The following RRP12 variants were observed in gnomAD, a reference collection of about 807,000 sequenced individuals.
RRP12 encodes the protein RRP12-like protein.
RRP12 carries 78 observed loss-of-function variants against 157.3 expected under a neutral mutation model. The ratio of observed to expected loss-of-function variants is 0.50; its 90% CI spans 0.41 to 0.60. RRP12 has a LOEUF of 0.60. Ranked by LOEUF, RRP12 falls within the 20% of genes least tolerant of loss-of-function variation. The pLI is 0.00. For missense variants in RRP12, 1,521 were observed against 1,679.9 expected (o/e 0.91, Z 1.65); for synonymous variants, 726 against 670.9 (o/e 1.08, Z -1.27).
chr10:97,361,859 G>C (rs1026546864), intron 30 of RRP12, among the ~76,000 whole-genome samples: 5 of 152,096 alleles, frequency 3.3e-5, no homozygotes, highest in African/African-American at 7.2e-5. Context: ...CTGTAATCCT[G>C]GCACTTTGGG....
At chr10:97,378,977 T>G (rs1844386572) in intron 15 of RRP12, among the ~76,000 whole-genome samples, 2 of 152,214 alleles carry the variant, frequency 1.3e-5, no homozygotes, top group South Asian at 4.1e-4. Context: ...AGGGCTTGCA[T>G]GAGGAAGAAG....
In RRP12 at chr10:97,400,417, ACCAGCTCC is replaced by A; in HGVS notation, c.249_256del (p.Glu84SerfsTer47). 1 of 1,614,010 alleles carries A rather than the reference ACCAGCTCC, an allele frequency of 6.2e-7. No individual in the cohort carries two copies. The highest frequency in any genetic ancestry group is 8.5e-7 in the Non-Finnish European group (1 of 1,180,004). On this transcript the variant is annotated frameshift_variant, in exon 2 of 34. Transcript: ENST00000370992. LOFTEE classifies it high-confidence loss of function. ...GGTACCCGAGGACTTCTCGGTGAGA[ACCAGCTCC>A]GCCTCTTCTTCCATGGGCGTCTCCG...
intron 30 of RRP12, among the ~76,000 whole-genome samples, chr10:97,362,255 G>C (rs546860172): frequency 6.6e-6 from 1 of 152,126 alleles, no homozygotes; most frequent in Non-Finnish European, 1.5e-5. Flanking sequence ...CGCTCTGCCC[G>C]GGGCAGTGGG....
intron 25 of RRP12, 115 bp from the exon 26 acceptor site, chr10:97,367,247 C>T (rs902042119): frequency 6.5e-5 from 55 of 849,332 alleles, no homozygotes; most frequent in Non-Finnish European, 9.0e-5. Flanking sequence ...GGAGGGTTAG[C>T]GCGGCCCTGC....
intron 8 of RRP12, among the ~76,000 whole-genome samples, chr10:97,386,571 A>G (rs1387147379): frequency 6.6e-6 from 1 of 152,198 alleles, no homozygotes; most frequent in Non-Finnish European, 1.5e-5. Context: ...CTACCTTAGG[A>G]AACAGGATTT....
intron 10 of RRP12, among the ~76,000 whole-genome samples, chr10:97,383,897 C>A (rs534683328): frequency 1.6e-4 from 25 of 152,342 alleles, no homozygotes; most frequent in African/African-American, 6.0e-4. Context: ...CCTTGCTGTT[C>A]CTCCCGGCTG....
At position 97,373,818 on chromosome 10, in the gene RRP12, G is replaced by C. The variant is rs1844229126; in HGVS notation, c.1863+12C>G. On this transcript the variant is annotated intron_variant, in intron 16 of 33. Coordinates refer to ENST00000370992, the MANE Select transcript of RRP12 (RefSeq NM_015179.4). ...GTGCTTCTCCCCACGCCCTCCCCCA[G>C]CTGACCCTTACCTGCCACTGGAGTG... The C allele has an allele frequency of 6.2e-7, 1 of 1,613,648 alleles. No homozygotes were observed. The highest frequency in any genetic ancestry group is 1.1e-5 in the South Asian group (1 of 91,088).
chr10:97,397,238 G>A (rs1002587411), intron 2 of RRP12, among the ~76,000 whole-genome samples: 4 of 151,506 alleles, frequency 2.6e-5, no homozygotes, highest in Admixed American at 1.3e-4. Context: ...TCTGCTAACC[G>A]CAGCTTCCAC....
chr10:97,361,700 G>A (rs934543559), intron 30 of RRP12, among the ~76,000 whole-genome samples: 2 of 152,216 alleles, frequency 1.3e-5, no homozygotes, highest in Non-Finnish European at 2.9e-5. Context: ...AGGGGATGAT[G>A]GCTGAGCTGG....
chr10:97,382,969 C>T (rs1844512248), intron 10 of RRP12, among the ~76,000 whole-genome samples: 1 of 152,074 alleles, frequency 6.6e-6, no homozygotes, highest in South Asian at 2.1e-4. Context: ...GCCATTTTGG[C>T]CAGGCTAGTC....
chr10:97,400,346 C>T lies in RRP12; in HGVS notation c.328G>A (p.Val110Ile), dbSNP rs1564773989. ...SDCTNVTFSKVQRFWESNSAA... is the reference protein window; with the variant it reads ...SDCTNVTFSKIQRFWESNSAA... ...GAGTTGGACTCCCAGAAGCGCTGTA[C>T]TTTGCTGAAGGTGACGTTTGTGCAG... is the stretch of plus-strand genomic sequence containing the variant. The change falls in exon 2 of 34, where the codon GTA (valine) becomes ATA (isoleucine). Residue 110 changes from valine to isoleucine, a missense_variant. Physicochemically the swap from Val to Ile is conservative, Grantham distance 29. Coordinates refer to ENST00000370992, the MANE Select transcript of RRP12 (RefSeq NM_015179.4). 3 of 1,613,932 alleles carry T rather than the reference C, an allele frequency of 1.9e-6. No homozygotes were observed. The South Asian group carries it at 3.3e-5, about 18-fold the overall frequency.
chr10:97,395,708 G>C (rs777262659), intron 3 of RRP12, among the ~76,000 whole-genome samples: 1 of 151,144 alleles, frequency 6.6e-6, no homozygotes, highest in Non-Finnish European at 1.5e-5. Flanking sequence ...AAAATAAGCC[G>C]GGTATGGTGG....
chr10:97,372,901 C>T (rs1397124024), intron 18 of RRP12, 98 bp from the exon 19 acceptor site: 13 of 1,437,306 alleles, frequency 9.0e-6, no homozygotes, highest in African/African-American at 1.4e-5. Flanking sequence ...CCATCAGCCC[C>T]CAGCCCTGCC....
chr10:97,392,243 T>C (rs1025237248), intron 4 of RRP12, among the ~76,000 whole-genome samples: 10 of 152,122 alleles, frequency 6.6e-5, no homozygotes, highest in African/African-American at 2.2e-4. Flanking sequence ...AGTGCTGGGA[T>C]TATAGGTATG....
At position 97,358,541 on chromosome 10, in the gene RRP12, G is replaced by A. The variant is rs781057741; in HGVS notation, c.3787C>T (p.Arg1263Cys). The A allele has an allele frequency of 5.0e-6, 8 of 1,613,062 alleles. No homozygotes were observed. Among genetic ancestry groups the A allele is most frequent in the Admixed American group, 1.7e-5 (1 of 59,996 alleles). The change falls in exon 33 of 34, where the codon CGC becomes TGC. Residue 1263 changes from arginine to cysteine, a missense_variant. Coordinates refer to ENST00000370992, the MANE Select transcript of RRP12 (RefSeq NM_015179.4). ...YIPLNRSKLN[R>C]RKKMKLQGQF... The stretch of plus-strand genomic sequence containing the variant: ...CTGCCTGGCACAGCGTCATACCTGC[G>A]GTTGAGCTTGCTTCTGTTGAGGGGG...
chr10:97,394,108 C>T (rs1396560725), intron 3 of RRP12, among the ~76,000 whole-genome samples: 3 of 151,968 alleles, frequency 2.0e-5, no homozygotes, highest in Admixed American at 2.0e-4. Flanking sequence ...TTTGGGAGGC[C>T]GAGGAGGGCA....
At chr10:97,364,187 C>T (rs1843913357) in intron 29 of RRP12, among the ~76,000 whole-genome samples, 1 of 152,132 alleles carries the variant, frequency 6.6e-6, no homozygotes, top group Non-Finnish European at 1.5e-5. Context: ...TCTTTTCCCA[C>T]TCACCCACCC....
intron 2 of RRP12, among the ~76,000 whole-genome samples, chr10:97,399,919 A>G (rs184419433): frequency 6.6e-6 from 1 of 151,640 alleles, no homozygotes; most frequent in Non-Finnish European, 1.5e-5. Context: ...CTCTGTCTCA[A>G]AATAAATACA....
chr10:97,372,034 A>C (rs1212193057), intron 20 of RRP12, 39 bp downstream of exon 20: 7 of 1,456,714 alleles, frequency 4.8e-6, no homozygotes, highest in Non-Finnish European at 4.8e-6. Flanking sequence ...ATCTGCCCCC[A>C]AGCGTGGCTG....
Sources: gnomAD v4.1 joint callset for allele counts (sites outside exome capture counted in the v4.1 genomes callset) on GRCh38, gnomAD v4.1.1 for gene constraint, MANE v1.5 for transcripts, NCBI Gene and HGNC (gene_info 2026-07-23, HGNC 2026-07-21) for gene names.